GABRB2: variants seen among roughly 807,000 people sequenced by gnomAD.
The protein encoded by GABRB2 is gamma-aminobutyric acid type A receptor subunit beta2.
In GABRB2, 16 loss-of-function variants were observed where a neutral mutation model predicts 54.7. The ratio of observed to expected loss-of-function variants is 0.29; its 90% CI spans 0.20 to 0.44. GABRB2 has a LOEUF of 0.44. Ranked by LOEUF, GABRB2 falls within the 20% of genes least tolerant of loss-of-function variation. The probability of loss-of-function intolerance (pLI) is 1.00; values close to 1 mark genes in which losing one functional copy is unlikely to be tolerated. For missense variants in GABRB2, 355 were observed against 644.0 expected (o/e 0.55, Z 4.86); for synonymous variants, 244 against 233.8 (o/e 1.04, Z -0.40).
intron 5 of GABRB2, among the ~76,000 whole-genome samples, chr5:161,400,938 A>G (rs1440842227): frequency 1.3e-5 from 2 of 152,144 alleles, no homozygotes; most frequent in Admixed American, 6.5e-5. Flanking sequence ...TTTCAATGTT[A>G]CAGGGTAAAA....
chr5:161,317,013 G>A lies in GABRB2; in HGVS notation c.1191+9355C>T, dbSNP rs528352995. ...ACTCCAGTTAAAGGCTATATAAATTGGAAAAAGTAGGAATTTTATTTGTGT... is the reference window on the plus strand; with the variant it reads ...ACTCCAGTTAAAGGCTATATAAATTAGAAAAAGTAGGAATTTTATTTGTGT... On this transcript the variant is annotated intron_variant, in intron 9 of 9. Coordinates refer to ENST00000393959, the MANE Select transcript of GABRB2 (RefSeq NM_001371727.1). Among the ~76,000 whole-genome samples, 16 of 152,124 alleles carry A rather than the reference G, an allele frequency of 1.1e-4. No individual in the cohort carries two copies. The South Asian group carries it at 3.3e-3, about 32-fold the overall frequency.
At chr5:161,304,826 C>A (rs1424465284) in intron 9 of GABRB2, among the ~76,000 whole-genome samples, 2 of 151,620 alleles carry the variant, frequency 1.3e-5, no homozygotes, top group African/African-American at 4.8e-5. Context: ...TGAATAATTT[C>A]TTTTAGAAGG....
chr5:161,363,293 C>T (rs1754872125), intron 5 of GABRB2, among the ~76,000 whole-genome samples: 1 of 152,090 alleles, frequency 6.6e-6, no homozygotes, highest in South Asian at 2.1e-4. Context: ...AAACCAAACA[C>T]CACATGTTCT....
intron 3 of GABRB2, among the ~76,000 whole-genome samples, chr5:161,488,303 C>CTG (rs1464625226): frequency 8.0e-5 from 12 of 150,878 alleles, no homozygotes; most frequent in African/African-American, 2.2e-4. Flanking sequence ...CTACCAGTCA[C>CTG]ATACTGATAT....
At chr5:161,428,837 C>G (rs1440700708) in intron 4 of GABRB2, among the ~76,000 whole-genome samples, 1 of 151,960 alleles carries the variant, frequency 6.6e-6, no homozygotes, top group Non-Finnish European at 1.5e-5. Flanking sequence ...CATTATTTAA[C>G]CTACTTGAGA....
At chr5:161,505,004 T>A (rs1759561582) in intron 3 of GABRB2, among the ~76,000 whole-genome samples, 2 of 152,060 alleles carry the variant, frequency 1.3e-5, no homozygotes, top group Admixed American at 6.5e-5. Context: ...ACTCTGCTGG[T>A]GAGTTCTATC....
chr5:161,465,902 A>T (rs916904597), intron 3 of GABRB2, among the ~76,000 whole-genome samples: 28 of 152,116 alleles, frequency 1.8e-4, no homozygotes, highest in Non-Finnish European at 2.4e-4. Context: ...GAACCAGGAA[A>T]TTGACATATA....
intron 5 of GABRB2, among the ~76,000 whole-genome samples, chr5:161,398,016 TAGATAGATAGATAGATAGATAGAC>T (rs1311692817): frequency 1.4e-4 from 3 of 20,774 alleles, no homozygotes; most frequent in East Asian, 3.2e-3. Context: ...AGATAGATGA[TAGATAGATAGATAGATAGATAGAC>T]AGATAGATAG....
intron 7 of GABRB2, among the ~76,000 whole-genome samples, chr5:161,333,764 T>C (rs1753917004): frequency 1.3e-5 from 2 of 152,162 alleles, no homozygotes; most frequent in Non-Finnish European, 2.9e-5. Flanking sequence ...TGGAATATTA[T>C]CACCCAGGTA....
In GABRB2 at chr5:161,422,826, C is replaced by T. The variant is rs547099171; in HGVS notation, c.459-11769G>A. The stretch of plus-strand genomic sequence containing the variant: ...TCAGCATAACTATATCAAATGTAGG[C>T]GCTTCCATAAACTGCATGTGCCATT... On this transcript the variant is annotated intron_variant, in intron 4 of 9. Coordinates refer to ENST00000393959, the MANE Select transcript of GABRB2 (RefSeq NM_001371727.1). Among the ~76,000 whole-genome samples the T allele has an allele frequency of 3.9e-5, 6 of 152,230 alleles. 1 individual carries two copies. Among genetic ancestry groups the T allele is most frequent in the African/African-American group, 1.4e-4 (6 of 41,548 alleles).
intron 9 of GABRB2, among the ~76,000 whole-genome samples, chr5:161,308,942 T>C (rs1034418941): frequency 3.3e-5 from 5 of 152,166 alleles, no homozygotes; most frequent in African/African-American, 9.6e-5. Flanking sequence ...ATTCAGGACA[T>C]AGACACAGTC....
In GABRB2 at chr5:161,517,565, A is replaced by AGG. The variant is rs368109412; in HGVS notation, c.237+27660_237+27661dup. On this transcript the variant is annotated intron_variant, in intron 3 of 9. Transcript: ENST00000393959. ...TCATTGTTGCCTGGAAAAACACTTG[A>AGG]GGGGGGACTGGTGTAAACACTCTCT... Among the ~76,000 whole-genome samples, 256 of 152,148 alleles carry AGG rather than the reference A, an allele frequency of 1.7e-3. 3 individuals carry two copies. Among genetic ancestry groups the AGG allele is most frequent in the African/African-American group, 6.0e-3 (247 of 41,504 alleles).
intron 4 of GABRB2, among the ~76,000 whole-genome samples, chr5:161,449,687 A>C (rs1757735131): frequency 6.6e-6 from 1 of 152,146 alleles, no homozygotes; most frequent in African/African-American, 2.4e-5. Context: ...CCGTGCCCTT[A>C]TGGGTGTGTG....
intron 9 of GABRB2, among the ~76,000 whole-genome samples, chr5:161,318,649 AT>A (rs1446022075): frequency 6.6e-6 from 1 of 151,966 alleles, no homozygotes; most frequent in Non-Finnish European, 1.5e-5. Context: ...CTTCTCTAAA[AT>A]TTTTCACTTT....
chr5:161,355,843 T>C (rs933323779), intron 5 of GABRB2, among the ~76,000 whole-genome samples: 2 of 152,294 alleles, frequency 1.3e-5, no homozygotes, highest in South Asian at 4.1e-4. Context: ...TTATTTAGTA[T>C]CCAACCTACA....
chr5:161,529,286 G>C lies in GABRB2; in HGVS notation c.237+15941C>G, dbSNP rs112126947. Among the ~76,000 whole-genome samples, 872 of 152,020 alleles carry C rather than the reference G, an allele frequency of 5.7e-3. 8 individuals carry two copies. Among genetic ancestry groups the C allele is most frequent in the African/African-American group, 0.02 (816 of 41,524 alleles). ...AGATTTTATTATTTACGTTCTATTT[G>C]TTCGATTTATGTGGGTTTCCCAAAA... On this transcript the variant is annotated intron_variant, in intron 3 of 9. Coordinates refer to ENST00000393959, the MANE Select transcript of GABRB2 (RefSeq NM_001371727.1).
chr5:161,321,540 T>G (rs952345272), intron 9 of GABRB2, among the ~76,000 whole-genome samples: 20 of 152,150 alleles, frequency 1.3e-4, no homozygotes, highest in Non-Finnish European at 2.6e-4. Flanking sequence ...GATTGTTATA[T>G]TACAATATTA....
chr5:161,340,165 C>T (rs1754114780), intron 5 of GABRB2, among the ~76,000 whole-genome samples: 1 of 151,858 alleles, frequency 6.6e-6, no homozygotes, highest in South Asian at 2.1e-4. Context: ...CAGAGGAATG[C>T]GAATGTCTAT....
At chr5:161,335,006 A>G in intron 6 of GABRB2, 102 bp from the exon 7 acceptor site, 13 of 1,170,400 alleles carry the variant, frequency 1.1e-5, no homozygotes, top group Non-Finnish European at 1.6e-5. Context: ...GTTCAGTTTT[A>G]GCTCTTAGTG....
Sources: gnomAD v4.1 joint callset for allele counts (sites outside exome capture counted in the v4.1 genomes callset) on GRCh38, gnomAD v4.1.1 for gene constraint, MANE v1.5 for transcripts, NCBI Gene and HGNC (gene_info 2026-07-23, HGNC 2026-07-21) for gene names.